Variants in CDH2 observed in about 807,000 individuals in gnomAD.
CDH2 encodes the protein cadherin 2.
In CDH2, 17 loss-of-function variants were observed where a neutral mutation model predicts 92.0. That is an observed-to-expected ratio of 0.18 (90% CI 0.13 to 0.28). The LOEUF (loss-of-function observed/expected upper bound fraction) is 0.28, where lower values mean the gene tolerates loss of function less well. Ranked by LOEUF, CDH2 falls within the 10% of genes least tolerant of loss-of-function variation. The pLI is 1.00. For synonymous variants in CDH2, 419 were observed against 415.9 expected, an observed-to-expected ratio of 1.01 and a Z score of -0.09; for missense variants, 862 against 1,133.1, an observed-to-expected ratio of 0.76 and a Z score of 3.44.
intron 2 of CDH2, among the ~76,000 whole-genome samples, chr18:28,092,412 A>G (rs1689667785): frequency 6.6e-6 from 1 of 152,164 alleles, no homozygotes; most frequent in Admixed American, 6.5e-5. Flanking sequence ...CAAATAAGTC[A>G]GAGGAAAAGT....
chr18:27,999,993 C>A (rs2012715571), intron 7 of CDH2, among the ~76,000 whole-genome samples: 1 of 152,178 alleles, frequency 6.6e-6, no homozygotes, highest in Admixed American at 6.5e-5. Flanking sequence ...TGAAGAGGTG[C>A]CTTCTGCCAT....
intron 2 of CDH2, among the ~76,000 whole-genome samples, chr18:28,083,849 A>G (rs2014877053): frequency 1.3e-5 from 2 of 152,198 alleles, no homozygotes; most frequent in African/African-American, 4.8e-5. Flanking sequence ...CAGTATTTTG[A>G]GAAAACACTA....
intron 3 of CDH2, 32 bp from the exon 4 acceptor site, chr18:28,012,024 A>C: frequency 6.4e-7 from 1 of 1,568,148 alleles, no homozygotes; most frequent in Non-Finnish European, 8.7e-7. Context: ...ATTCCTGAGT[A>C]CTAGGAAACA....
At position 28,003,486 on chromosome 18, in the gene CDH2, C is replaced by A. The variant is rs552524147; in HGVS notation, c.848-317G>T. On this transcript the variant is annotated intron_variant, in intron 6 of 15. Coordinates refer to ENST00000269141, the MANE Select transcript of CDH2 (RefSeq NM_001792.5). The stretch of plus-strand genomic sequence containing the variant: ...TTTAGACCTTAATTTATATAAAATG[C>A]AAATAATGGGTAATACAGATACCAT... Among the ~76,000 whole-genome samples, 9 of 152,160 alleles carry A rather than the reference C, an allele frequency of 5.9e-5. No homozygotes were observed. In the South Asian group the frequency reaches 1.0e-3, roughly 18 times the overall value.
At chr18:28,001,103 T>C (rs565607905) in intron 7 of CDH2, among the ~76,000 whole-genome samples, 1 of 152,340 alleles carries the variant, frequency 6.6e-6, no homozygotes, top group Admixed American at 6.5e-5. Flanking sequence ...TTTCTCATAC[T>C]GTATCTAACC....
In CDH2 at chr18:27,981,324, A is replaced by T. The variant is rs1244384270; in HGVS notation, c.2349+1620T>A. 2.0e-5 allele frequency among the ~76,000 whole-genome samples: 3 copies of T among 152,338 alleles called. No homozygotes were observed. The East Asian group carries it at 5.8e-4, about 29-fold the overall frequency. The stretch of plus-strand genomic sequence containing the variant: ...AAATAGCCTAGGAAAGTGAAAGGAT[A>T]GATTAATTAAAGAATTAAGCCAAAC... On this transcript the variant is annotated intron_variant, in intron 14 of 15. Transcript: ENST00000269141.
intron 1 of CDH2, among the ~76,000 whole-genome samples, chr18:28,157,431 C>A (rs924410197): frequency 2.0e-5 from 3 of 152,152 alleles, no homozygotes; most frequent in African/African-American, 7.2e-5. Context: ...CTCACAATAA[C>A]CCTATGAGGT....
At chr18:28,082,395 A>G (rs1444413668) in intron 2 of CDH2, among the ~76,000 whole-genome samples, 1 of 152,164 alleles carries the variant, frequency 6.6e-6, no homozygotes, top group Non-Finnish European at 1.5e-5. Context: ...TGGCCAACAC[A>G]GCAAGACTCT....
At chr18:28,084,709 G>GC (rs1291892788) in intron 2 of CDH2, among the ~76,000 whole-genome samples, 2 of 152,010 alleles carry the variant, frequency 1.3e-5, no homozygotes, top group Admixed American at 6.6e-5. Context: ...CATCCACCCA[G>GC]CAAAATCCTA....
intron 2 of CDH2, among the ~76,000 whole-genome samples, chr18:28,063,384 C>T (rs1312427025): frequency 6.6e-6 from 1 of 152,152 alleles, no homozygotes. Flanking sequence ...AAGAATAACA[C>T]ACTGTTTCAG....
intron 2 of CDH2, among the ~76,000 whole-genome samples, chr18:28,023,974 G>A (rs2013480804): frequency 6.6e-6 from 1 of 152,040 alleles, no homozygotes; most frequent in African/African-American, 2.4e-5. Flanking sequence ...TAACAGGGAA[G>A]CACTTTGGCT....
At chr18:28,132,445 C>T (rs1276333052) in intron 2 of CDH2, among the ~76,000 whole-genome samples, 3 of 152,130 alleles carry the variant, frequency 2.0e-5, no homozygotes, top group Admixed American at 6.5e-5. Flanking sequence ...TTCCCTTTCT[C>T]CAGTCAAGGA....
At chr18:27,985,807 A>C (rs1468865838) in intron 11 of CDH2, 46 bp from the exon 12 acceptor site, 4 of 1,072,324 alleles carry the variant, frequency 3.7e-6, no homozygotes, top group Non-Finnish European at 4.2e-6. Context: ...AGTTCTCTCC[A>C]ATGAGCCTCA....
intron 4 of CDH2, among the ~76,000 whole-genome samples, chr18:28,010,713 A>G (rs1191415756): frequency 6.6e-6 from 1 of 151,392 alleles, no homozygotes; most frequent in Non-Finnish European, 1.5e-5. Flanking sequence ...TCTGTCGTCC[A>G]GGCTGGAGTG....
chr18:28,145,753 C>CTT (rs2016025409), intron 2 of CDH2, among the ~76,000 whole-genome samples: 3 of 151,778 alleles, frequency 2.0e-5, no homozygotes, highest in Admixed American at 1.3e-4. Flanking sequence ...ATGTTTCAAG[C>CTT]TTTACGATGC....
rs202205175 is a variant in CDH2 at position 28,013,892 on chromosome 18, T to G, written c.190A>C (p.Asn64His). 1.6e-5 allele frequency: 25 copies of G among 1,612,466 alleles called. No individual in the cohort carries two copies. In the Middle Eastern group the frequency reaches 5.0e-4, roughly 32 times the overall value. ...PLLNVKFSNC[N>H]GKRKVQYESS... ...TCATATTGTACTTTTCTTTTTCCAT[T>G]GCAGTTGCTAAACTTCACTGTAAAA... Residue 64 changes from asparagine (N) to histidine (H), a missense_variant, in exon 3 of 16, where the codon AAT (asparagine) becomes CAT (histidine). By Grantham distance (68) the Asn-to-His change is moderately conservative. Transcript: ENST00000269141.
At chr18:27,935,266 G>A (rs1908990195) in intron 6 of CDH2, among the ~76,000 whole-genome samples, 1 of 152,116 alleles carries the variant, frequency 6.6e-6, no homozygotes, top group African/African-American at 2.4e-5. Flanking sequence ...CTTCTGGGGA[G>A]GCCTCAGGAA....
chr18:27,954,572 C>G (rs752569215), intron 15 of CDH2: 3 of 152,112 alleles, frequency 2.0e-5, no homozygotes, highest in Admixed American at 1.3e-4. Flanking sequence ...GAAACGAAGA[C>G]GACATATGGA....
At chr18:27,946,020 T>G (rs1000874715), downstream of CDH2, among the ~76,000 whole-genome samples, 7 of 152,120 alleles carry the variant, frequency 4.6e-5, no homozygotes, top group Non-Finnish European at 1.0e-4. Flanking sequence ...TATATTAATA[T>G]GGAATAATGT....
Sources: allele counts gnomAD v4.1 joint callset (sites outside exome capture counted in the v4.1 genomes callset), GRCh38; gene constraint gnomAD v4.1.1; transcripts MANE v1.5; gene names NCBI Gene and HGNC (gene_info 2026-07-23, HGNC 2026-07-21).